GRM7: variants seen among roughly 807,000 people sequenced by gnomAD.
GRM7 encodes glutamate metabotropic receptor 7.
In GRM7, 35 loss-of-function variants were observed where a neutral mutation model predicts 84.5. That is an observed-to-expected ratio of 0.41 (90% confidence interval 0.32 to 0.55). The LOEUF is 0.55. Ranked by LOEUF, GRM7 falls within the 20% of genes least tolerant of loss-of-function variation. The pLI is 0.19. For synonymous variants in GRM7, 487 were observed against 455.1 expected, an observed-to-expected ratio of 1.07 and a Z score of -0.89; for missense variants, 1,003 against 1,194.6, an observed-to-expected ratio of 0.84 and a Z score of 2.36.
chr3:7,443,926 T>C (rs1488118208), intron 5 of GRM7, among the ~76,000 whole-genome samples: 1 of 152,226 alleles, frequency 6.6e-6, no homozygotes, highest in Non-Finnish European at 1.5e-5. Context: ...TACATACGTA[T>C]GCAATGCCAT....
chr3:7,568,726 G>A (rs1435572905), intron 7 of GRM7, among the ~76,000 whole-genome samples: 1 of 152,192 alleles, frequency 6.6e-6, no homozygotes, highest in Non-Finnish European at 1.5e-5. Flanking sequence ...GGCAATGAGG[G>A]GCTTAGCACC....
chr3:7,053,918 G>A (rs983598634), intron 1 of GRM7, among the ~76,000 whole-genome samples: 2 of 150,346 alleles, frequency 1.3e-5, no homozygotes, highest in African/African-American at 4.9e-5. Flanking sequence ...ATTTTGATTG[G>A]GATTATAATA....
intron 1 of GRM7, among the ~76,000 whole-genome samples, chr3:6,889,073 A>G (rs1254919873): frequency 6.6e-6 from 1 of 152,192 alleles, no homozygotes; most frequent in African/African-American, 2.4e-5. Flanking sequence ...ATTTTTGTAC[A>G]TTGATTTTGT....
intron 7 of GRM7, among the ~76,000 whole-genome samples, chr3:7,528,496 A>G (rs1700895499): frequency 6.6e-6 from 1 of 151,820 alleles, no homozygotes; most frequent in African/African-American, 2.4e-5. Flanking sequence ...CCTATGTATG[A>G]TTTTTGGGGT....
intron 4 of GRM7, among the ~76,000 whole-genome samples, chr3:7,385,544 C>T (rs980622388): frequency 1.1e-4 from 16 of 152,142 alleles, no homozygotes; most frequent in East Asian, 5.8e-4. Context: ...TCGTGATCCA[C>T]GCACCTCGGC....
At chr3:7,348,791 T>C (rs1034302351) in intron 4 of GRM7, among the ~76,000 whole-genome samples, 1 of 152,122 alleles carries the variant, frequency 6.6e-6, no homozygotes, top group African/African-American at 2.4e-5. Context: ...TCTGTGTTTG[T>C]ACAAGCCCTC....
At chr3:7,626,483 C>T (rs1199343743) in intron 8 of GRM7, among the ~76,000 whole-genome samples, 2 of 152,158 alleles carry the variant, frequency 1.3e-5, no homozygotes, top group Non-Finnish European at 2.9e-5. Flanking sequence ...TATTTTCTCA[C>T]AGTTCTGGAG....
At chr3:6,922,418 A>T (rs1019527724) in intron 1 of GRM7, among the ~76,000 whole-genome samples, 2 of 152,188 alleles carry the variant, frequency 1.3e-5, no homozygotes, top group Non-Finnish European at 2.9e-5. Flanking sequence ...GCATTCTCCA[A>T]CTGTAATACT....
At chr3:7,330,455 T>A (rs548068216) in intron 4 of GRM7, among the ~76,000 whole-genome samples, 1 of 152,268 alleles carries the variant, frequency 6.6e-6, no homozygotes, top group South Asian at 2.1e-4. Flanking sequence ...CCCTTTTTAA[T>A]GTGGTTCGGC....
At chr3:7,550,797 C>G (rs1693430844) in intron 7 of GRM7, among the ~76,000 whole-genome samples, 1 of 151,988 alleles carries the variant, frequency 6.6e-6, no homozygotes, top group Non-Finnish European at 1.5e-5. Context: ...ACTACCAGAT[C>G]TGTAGTTGGA....
chr3:7,629,968 T>G (rs9311994), intron 8 of GRM7, among the ~76,000 whole-genome samples: 127,699 of 152,138 alleles, frequency 0.84, 53,674 homozygotes, highest in African/African-American at 0.88. Context: ...AACACATACC[T>G]CTTTGGCTTT....
intron 1 of GRM7, among the ~76,000 whole-genome samples, chr3:6,998,136 A>AAAAAAAAAAAAAAAAAAAAAC (rs1694887825): frequency 6.8e-6 from 1 of 147,930 alleles, no homozygotes; most frequent in Non-Finnish European, 1.5e-5. Flanking sequence ...AAAAAAAAAA[A>AAAAAAAAAAAAAAAAAAAAAC]AAAGCAGGTT....
chr3:7,394,434 G>T (rs887170373), intron 4 of GRM7, among the ~76,000 whole-genome samples: 1 of 152,122 alleles, frequency 6.6e-6, no homozygotes, highest in Non-Finnish European at 1.5e-5. Flanking sequence ...ATGTCACCTT[G>T]TTTGCCACTG....
rs531434283 is a variant in GRM7 at position 6,940,226 on chromosome 3, G to A, written c.519+78319G>A. ...CCTGCCTCAACCTCCCAAGTAGCTGGGACTACAGGTGCGCACCACCATGCC... is the reference window on the plus strand; with the variant it reads ...CCTGCCTCAACCTCCCAAGTAGCTGAGACTACAGGTGCGCACCACCATGCC... On this transcript the variant is annotated intron_variant, in intron 1 of 9. Coordinates refer to ENST00000357716, the MANE Select transcript of GRM7 (RefSeq NM_000844.4). 5.9e-5 allele frequency among the ~76,000 whole-genome samples: 9 copies of A among 152,062 alleles called. No individual in the cohort carries two copies. In the South Asian group the frequency reaches 1.2e-3, roughly 21 times the overall value.
chr3:7,722,890 A>G (rs1478628692), intron 9 of GRM7, among the ~76,000 whole-genome samples: 1 of 152,206 alleles, frequency 6.6e-6, no homozygotes, highest in Non-Finnish European at 1.5e-5. Context: ...GACAGTATTA[A>G]TTCTTGGTGG....
rs567591768 is a variant in GRM7, at chr3:7,584,373, G to A, written c.2451+5016G>A. Among the ~76,000 whole-genome samples the A allele has an allele frequency of 1.4e-4, 21 of 152,258 alleles. 1 individual carries two copies. The South Asian group carries it at 4.4e-3, about 32-fold the overall frequency. ...TGAAATGCCTGTTCTACCTTAAGAG[G>A]AAATATTGACTTATGTGCCTGTTGA... On this transcript the variant is annotated intron_variant, in intron 8 of 9. Coordinates refer to ENST00000357716, the MANE Select transcript of GRM7 (RefSeq NM_000844.4).
At chr3:7,276,284 C>T (rs895949856) in intron 2 of GRM7, among the ~76,000 whole-genome samples, 7 of 142,480 alleles carry the variant, frequency 4.9e-5, no homozygotes, top group South Asian at 2.3e-4. Context: ...AGAAACATTG[C>T]TTTGATCTAA....
chr3:7,211,652 C>CAAAAAAAAAAAAA (rs370634134), intron 2 of GRM7, among the ~76,000 whole-genome samples: 14 of 122,652 alleles, frequency 1.1e-4, no homozygotes, highest in African/African-American at 3.3e-4. Context: ...TTCTCCCAAC[C>CAAAAAAAAAAAAA]AAAAAAAAAA....
chr3:7,607,716 T>C (rs1696652146), intron 8 of GRM7: 1 of 143,982 alleles, frequency 6.9e-6, no homozygotes, highest in Non-Finnish European at 1.5e-5. Context: ...ACAGAGCTCG[T>C]AAGCACACTT....
Sources: allele counts gnomAD v4.1 joint callset (sites outside exome capture counted in the v4.1 genomes callset), GRCh38; gene constraint gnomAD v4.1.1; transcripts MANE v1.5; gene names NCBI Gene and HGNC (gene_info 2026-07-23, HGNC 2026-07-21).